BLTP3A: variants seen among roughly 807,000 people sequenced by gnomAD.
BLTP3A encodes the protein ICBP90 binding protein 1.
the BLTP3A span, among the ~76,000 whole-genome samples, chr6:34,860,890 C>T: frequency 4.6e-5 from 7 of 152,304 alleles, no homozygotes; most frequent in Non-Finnish European, 8.8e-5. Flanking sequence ...TTTAAAACAT[C>T]AACAGTGACT....
the BLTP3A span, chr6:34,864,330 AAAG>A: frequency 1.0e-6 from 1 of 973,290 alleles, no homozygotes; most frequent in South Asian, 2.2e-5. Context: ...CAAGACAAAA[AAAG>A]AGAGACAGAG....
At chr6:34,875,885 A>G in the BLTP3A span, 2 of 152,746 alleles carry the variant, frequency 1.3e-5, no homozygotes, top group African/African-American at 2.4e-5. Context: ...TGGACTGCTT[A>G]TGATTTCTGC....
At chr6:34,811,680 C>T in the BLTP3A span, among the ~76,000 whole-genome samples, 3 of 111,158 alleles carry the variant, frequency 2.7e-5, no homozygotes, top group South Asian at 6.3e-4. Flanking sequence ...TGAGACCCCC[C>T]CCCCCGCATC....
chr6:34,802,482 G>A, the BLTP3A span, among the ~76,000 whole-genome samples: 3 of 151,750 alleles, frequency 2.0e-5, no homozygotes, highest in African/African-American at 7.3e-5. Flanking sequence ...CGATTCTCCC[G>A]CCTCAGCCTC....
At chr6:34,819,489 G>C in the BLTP3A span, among the ~76,000 whole-genome samples, 12 of 152,028 alleles carry the variant, frequency 7.9e-5, no homozygotes, top group African/African-American at 2.9e-4. Context: ...GCATTCTGTT[G>C]GGTCATCATT....
chr6:34,831,128 ATTTT>A, the BLTP3A span, among the ~76,000 whole-genome samples: 1 of 142,606 alleles, frequency 7.0e-6, no homozygotes, highest in Non-Finnish European at 1.5e-5. Flanking sequence ...ATCACTCTTA[ATTTT>A]TTTTTTTTTT....
chr6:34,872,169 G>A, the BLTP3A span: 2 of 1,064,300 alleles, frequency 1.9e-6, no homozygotes, highest in African/African-American at 1.6e-5. Flanking sequence ...GGGAATCAAG[G>A]TCTTAGAAAA....
At chr6:34,859,455 A>G in the BLTP3A span, 3 of 1,614,206 alleles carry the variant, frequency 1.9e-6, no homozygotes, top group Non-Finnish European at 2.5e-6. Context: ...AGGAGGCTCT[A>G]CATGCCACCA....
chr6:34,843,788 G>C, the BLTP3A span, among the ~76,000 whole-genome samples: 9 of 152,220 alleles, frequency 5.9e-5, no homozygotes, highest in African/African-American at 2.2e-4. Context: ...TCATATGGTA[G>C]TTCTATCTTT....
the BLTP3A span, chr6:34,867,378 C>G: frequency 3.7e-6 from 6 of 1,613,898 alleles, no homozygotes; most frequent in Non-Finnish European, 5.1e-6. Flanking sequence ...ATCTTTCACC[C>G]GGTCAGCAGC....
At chr6:34,852,702 G>C in the BLTP3A span, among the ~76,000 whole-genome samples, 7 of 152,126 alleles carry the variant, frequency 4.6e-5, no homozygotes, top group African/African-American at 1.4e-4. Flanking sequence ...TGCACCCCAA[G>C]TCCATTGGCT....
the BLTP3A span, chr6:34,834,071 C>T: frequency 2.3e-6 from 2 of 852,698 alleles, no homozygotes; most frequent in East Asian, 5.4e-5. Context: ...CGCTGTACTC[C>T]AGCTTGGGTA....
the BLTP3A span, among the ~76,000 whole-genome samples, chr6:34,814,262 G>A: frequency 6.6e-6 from 1 of 152,126 alleles, no homozygotes; most frequent in Admixed American, 6.6e-5. Flanking sequence ...CAATCCACCT[G>A]CCTTGGCCTC....
the BLTP3A span, chr6:34,875,878 A>G: frequency 6.6e-6 from 1 of 152,620 alleles, no homozygotes; most frequent in East Asian, 1.9e-4. Context: ...GCCCTTTTGG[A>G]CTGCTTATGA....
chr6:34,862,507 A>G, the BLTP3A span, among the ~76,000 whole-genome samples: 2 of 151,976 alleles, frequency 1.3e-5, no homozygotes, highest in Non-Finnish European at 2.9e-5. Flanking sequence ...GTGCTTCTTA[A>G]TAGTTTCTCT....
At chr6:34,851,186 G>A in the BLTP3A span, among the ~76,000 whole-genome samples, 1 of 152,044 alleles carries the variant, frequency 6.6e-6, no homozygotes, top group African/African-American at 2.4e-5. Flanking sequence ...TTCCTGGATG[G>A]TCTTGGTGCT....
the BLTP3A span, among the ~76,000 whole-genome samples, chr6:34,801,454 T>G: frequency 6.6e-6 from 1 of 152,124 alleles, no homozygotes; most frequent in South Asian, 2.1e-4. Flanking sequence ...AGTAAGTTCC[T>G]TTAGATCATT....
At chr6:34,806,511 T>C in the BLTP3A span, among the ~76,000 whole-genome samples, 1 of 152,218 alleles carries the variant, frequency 6.6e-6, no homozygotes, top group East Asian at 1.9e-4. Context: ...TAAGCGTACA[T>C]GTTGGTCAAA....
the BLTP3A span, among the ~76,000 whole-genome samples, chr6:34,846,930 T>A: frequency 9.2e-5 from 14 of 152,312 alleles, no homozygotes; most frequent in East Asian, 2.7e-3. Flanking sequence ...TTATGTTGAG[T>A]TATGTTCCTT....
Sources: allele counts gnomAD v4.1 joint callset (sites outside exome capture counted in the v4.1 genomes callset), GRCh38; gene constraint gnomAD v4.1.1; transcripts MANE v1.5; gene names NCBI Gene and HGNC (gene_info 2026-07-23, HGNC 2026-07-21).